LRIG1: variants seen among roughly 807,000 people sequenced by gnomAD.
The protein encoded by LRIG1 is leucine rich repeats and immunoglobulin like domains 1, also known as leucine-rich repeats and immunoglobulin-like domains protein 1.
In LRIG1, 48 loss-of-function variants were observed where a neutral mutation model predicts 99.2. The ratio of observed to expected loss-of-function variants is 0.48; its 90% CI spans 0.38 to 0.62. The LOEUF (loss-of-function observed/expected upper bound fraction) is 0.62, where lower values mean the gene tolerates loss of function less well. Among genes scored for constraint, LRIG1 ranks in the 20% least tolerant of loss-of-function variants. The probability of loss-of-function intolerance (pLI) is 0.00; values close to 1 mark genes in which losing one functional copy is unlikely to be tolerated. For synonymous variants in LRIG1, 772 were observed against 596.1 expected (o/e 1.29, Z -4.30); for missense variants, 1,646 against 1,434.4 (o/e 1.15, Z -2.38).
rs937767134 is a variant in LRIG1, at chr3:66,379,616, G to GACTT, written c.*643_*646dup. On this transcript the variant is annotated 3_prime_UTR_variant, in exon 19 of 19. Transcript: ENST00000273261. Reference sequence around the variant, plus strand: ...GATTCTACGCCTTACAGACAGACAGGACTTAAACCTAAAAGGAAAAGCCAT... The same window carrying GACTT: ...GATTCTACGCCTTACAGACAGACAGGACTTACTTAAACCTAAAAGGAAAAGCCAT... 1.3e-5 allele frequency: 2 copies of GACTT among 151,842 alleles called. No individual in the cohort carries two copies. The highest frequency in any genetic ancestry group is 2.4e-5 in the African/African-American group (1 of 41,398). The allele number at this position is 151,842 out of a possible 1,614,324, so 9.4% of individuals were successfully genotyped here. A position where few individuals can be genotyped will look rare whatever the true frequency, so the allele number is the denominator to read the frequency against.
chr3:66,446,609 T>C (rs1703734938), intron 3 of LRIG1, among the ~76,000 whole-genome samples: 1 of 151,950 alleles, frequency 6.6e-6, no homozygotes, highest in African/African-American at 2.4e-5. Context: ...TTTCGCCATT[T>C]TGGCCAGGCT....
chr3:66,500,242 C>A lies in LRIG1; in HGVS notation c.166G>T (p.Gly56Trp). Residue 56 changes from glycine to tryptophan, a missense_variant, in exon 1 of 19, where the codon GGG becomes TGG. By Grantham distance (184) the Gly-to-Trp change is radical. Coordinates refer to ENST00000273261, the MANE Select transcript of LRIG1 (RefSeq NM_015541.3). ...CCGGGCAACGCAGCCAGCCCGCGCCCACCGCAGTCCAGCGAGTCCCCAGCG... is the reference window on the plus strand; with the variant it reads ...CCGGGCAACGCAGCCAGCCCGCGCCAACCGCAGTCCAGCGAGTCCCCAGCG... ...TCAGDSLDCG[G>W]RGLAALPGDL... 6.6e-7 allele frequency: 1 copy of A among 1,510,242 alleles called. No individual in the cohort carries two copies. The highest frequency in any genetic ancestry group is 8.8e-7 in the Non-Finnish European group (1 of 1,136,132). 93.6% of individuals were successfully genotyped at this position (1,510,242 alleles called of 1,614,324 possible). A position where few individuals can be genotyped will look rare whatever the true frequency, so the allele number is the denominator to read the frequency against.
chr3:66,380,141 A>C lies in LRIG1; in HGVS notation c.*122T>G. On this transcript the variant is annotated 3_prime_UTR_variant, in exon 19 of 19. Coordinates refer to ENST00000273261, the MANE Select transcript of LRIG1 (RefSeq NM_015541.3). ...GATCCAAGTCCTGTGAGCGACTGAT[A>C]CTCCACATGGGAGTTACAACTATGT... 1 of 744,434 alleles carries C rather than the reference A, an allele frequency of 1.3e-6. No individual in the cohort carries two copies. Among genetic ancestry groups the C allele is most frequent in the Admixed American group, 3.0e-5 (1 of 33,642 alleles). The allele number at this position is 744,434 out of a possible 1,614,324, so 46.1% of individuals were successfully genotyped here. A position where few individuals can be genotyped will look rare whatever the true frequency, so the allele number is the denominator to read the frequency against.
At chr3:66,466,763 G>A (rs546419040) in intron 1 of LRIG1, among the ~76,000 whole-genome samples, 1 of 152,310 alleles carries the variant, frequency 6.6e-6, no homozygotes, top group East Asian at 1.9e-4. Flanking sequence ...ACATCTGAAT[G>A]TGTCTTCAGT....
At chr3:66,394,491 C>T (rs1024348203) in intron 11 of LRIG1, among the ~76,000 whole-genome samples, 1 of 152,172 alleles carries the variant, frequency 6.6e-6, no homozygotes, top group Non-Finnish European at 1.5e-5. Context: ...ACCCAAGGAC[C>T]GCAACTGGAG....
rs1428379200 is a variant in LRIG1 at position 66,383,976 on chromosome 3, G to T, written c.2071+15C>A. 5 of 1,414,248 alleles carry T rather than the reference G, an allele frequency of 3.5e-6. No homozygotes were observed. In the South Asian group the frequency reaches 5.0e-5, roughly 14 times the overall value. The allele number at this position is 1,414,248 out of a possible 1,614,324, so 87.6% of individuals were successfully genotyped here. A position where few individuals can be genotyped will look rare whatever the true frequency, so the allele number is the denominator to read the frequency against. ...CACACACACACACACACACACAGTA[G>T]AGCAATAGGCAAACCTAGGACAGTC... On this transcript the variant is annotated intron_variant, in intron 14 of 18. Transcript: ENST00000273261.
At chr3:66,454,037 T>C (rs575969483) in intron 2 of LRIG1, among the ~76,000 whole-genome samples, 61 of 152,318 alleles carry the variant, frequency 4.0e-4, no homozygotes, top group Middle Eastern at 3.4e-3. Flanking sequence ...CTGGGCCTTC[T>C]ATGTCTAGAT....
chr3:66,427,443 CTGCAAA>C, intron 3 of LRIG1, among the ~76,000 whole-genome samples: 1 of 152,208 alleles, frequency 6.6e-6, no homozygotes, highest in South Asian at 2.1e-4. Flanking sequence ...TACTTTATGA[CTGCAAA>C]TGCCAAAAAA....
intron 3 of LRIG1, among the ~76,000 whole-genome samples, chr3:66,424,359 C>T (rs959806787): frequency 2.0e-5 from 3 of 152,128 alleles, no homozygotes; most frequent in African/African-American, 4.8e-5. Context: ...GGTCTCCCCC[C>T]CATGAAGGTT....
intron 9 of LRIG1, chr3:66,401,691 G>A (rs911027612): frequency 5.3e-6 from 8 of 1,522,138 alleles, no homozygotes; most frequent in South Asian, 1.2e-5. Context: ...CTGCTGCCAG[G>A]AGAAAGGAGA....
At chr3:66,416,207 G>C (rs751374729) in intron 4 of LRIG1, among the ~76,000 whole-genome samples, 5 of 152,178 alleles carry the variant, frequency 3.3e-5, no homozygotes, top group Non-Finnish European at 5.9e-5. Flanking sequence ...CACCTTTTGA[G>C]GGCCCACACT....
chr3:66,380,593 T>A lies in LRIG1; in HGVS notation c.3039A>T (p.Ala1013=), dbSNP rs764263653. Residue 1013 remains alanine, a synonymous_variant, in exon 18 of 19, where the codon GCA becomes GCT. Transcript: ENST00000273261. ...AAAAGTTACCTTTCCCATCTAGAGA[T>A]GCCATTGGCTTTTTCTTCACAGCCG... ...MLTAVKKKPM[A]SLDGKGDSSW... is the part of the protein sequence containing the mutation. 6.2e-7 allele frequency: 1 copy of A among 1,613,932 alleles called. No individual in the cohort carries two copies. Among genetic ancestry groups the A allele is most frequent in the Non-Finnish European group, 8.5e-7 (1 of 1,179,810 alleles).
intron 1 of LRIG1, among the ~76,000 whole-genome samples, chr3:66,499,911 G>A (rs989943533): frequency 1.8e-4 from 25 of 142,668 alleles, no homozygotes; most frequent in South Asian, 2.4e-4. Flanking sequence ...ACGCGTGCTG[G>A]CTAACCCCCA....
intron 12 of LRIG1, among the ~76,000 whole-genome samples, chr3:66,388,974 G>C (rs976320901): frequency 1.3e-5 from 2 of 152,090 alleles, no homozygotes; most frequent in Admixed American, 1.3e-4. Context: ...CACAGGATAC[G>C]TGTATTTTTG....
chr3:66,384,446 C>T (rs1244024638), intron 13 of LRIG1, among the ~76,000 whole-genome samples, 174 bp from the exon 14 acceptor site: 1 of 152,162 alleles, frequency 6.6e-6, no homozygotes, highest in Non-Finnish European at 1.5e-5. Flanking sequence ...CAGCTTCTCC[C>T]ACCACAGTTG....
chr3:66,464,182 T>C (rs1210816316), intron 1 of LRIG1, among the ~76,000 whole-genome samples: 1 of 152,254 alleles, frequency 6.6e-6, no homozygotes, highest in Non-Finnish European at 1.5e-5. Flanking sequence ...ATGGAAATAT[T>C]GTTTCTGGGT....
chr3:66,449,757 C>G (rs1703840479), intron 3 of LRIG1, among the ~76,000 whole-genome samples: 1 of 152,208 alleles, frequency 6.6e-6, no homozygotes, highest in South Asian at 2.1e-4. Context: ...TCCAGGGAGG[C>G]TCAGTTTCCT....
At chr3:66,461,327 A>G (rs1700349733) in intron 2 of LRIG1, among the ~76,000 whole-genome samples, 2 of 152,154 alleles carry the variant, frequency 1.3e-5, no homozygotes, top group African/African-American at 4.8e-5. Flanking sequence ...AAACAAACAA[A>G]AAACAACAAA....
chr3:66,394,047 G>T lies in LRIG1; in HGVS notation c.1461C>A (p.Phe487Leu). 1 of 1,614,022 alleles carries T rather than the reference G, an allele frequency of 6.2e-7. No homozygotes were observed. Among genetic ancestry groups the T allele is most frequent in the Non-Finnish European group, 8.5e-7 (1 of 1,179,982 alleles). The change falls in exon 12 of 19, where the codon TTC becomes TTA. Residue 487 changes from phenylalanine to leucine, a missense_variant. By Grantham distance (22) the Phe-to-Leu change is conservative (BLOSUM62 0). Transcript: ENST00000273261. ...TTACAAAGACAGTCTTACCGCACAC[G>T]AAACTCTCTGGTGGCACAGAGAAAA... is the stretch of plus-strand genomic sequence containing the variant. ...QSIFSVPPES[F>L]VCDDFLKPQI...
Sources: gnomAD v4.1 joint callset for allele counts (sites outside exome capture counted in the v4.1 genomes callset) on GRCh38, gnomAD v4.1.1 for gene constraint, MANE v1.5 for transcripts, NCBI Gene and HGNC (gene_info 2026-07-23, HGNC 2026-07-21) for gene names.